The following NCOA1 variants were observed in gnomAD, a reference collection of about 807,000 sequenced individuals.
NCOA1 encodes the protein Hin-2 protein.
A neutral mutation model predicts 150.9 loss-of-function variants in NCOA1; 35 were observed. The observed-to-expected ratio is 0.23, with a 90% CI of 0.18 to 0.31. NCOA1 has a LOEUF of 0.31. NCOA1 is among the 10% of genes least tolerant of loss of function. NCOA1 has a pLI of 1.00. For synonymous variants in NCOA1, 590 were observed against 630.0 expected (o/e 0.94, Z 0.95); for missense variants, 1,491 against 1,749.3 (o/e 0.85, Z 2.63).
At chr2:24,598,990 A>C (rs1667996750) in intron 3 of NCOA1, among the ~76,000 whole-genome samples, 1 of 152,234 alleles carries the variant, frequency 6.6e-6, no homozygotes, top group Admixed American at 6.5e-5. Flanking sequence ...GGACCTGGAC[A>C]AAGATTTATA....
intron 3 of NCOA1, among the ~76,000 whole-genome samples, chr2:24,589,630 GGTGTGTGTGTGTGTGT>G (rs148118845): frequency 8.8e-5 from 13 of 147,550 alleles, no homozygotes; most frequent in South Asian, 2.2e-4. Context: ...AGAGGTTGGT[GGTGTGTGTGTGTGTGT>G]GTGTGTGTGT....
intron 4 of NCOA1, among the ~76,000 whole-genome samples, chr2:24,649,017 C>T (rs997393307): frequency 6.6e-6 from 1 of 151,930 alleles, no homozygotes; most frequent in African/African-American, 2.4e-5. Context: ...TGTTTTTCTG[C>T]CCACTATTAT....
chr2:24,531,407 A>G (rs886670628), intron 1 of NCOA1, among the ~76,000 whole-genome samples: 1 of 152,142 alleles, frequency 6.6e-6, no homozygotes, highest in Non-Finnish European at 1.5e-5. Context: ...AAAAGAAAAA[A>G]AATAATCTAT....
chr2:24,616,918 C>T (rs1303658105), intron 3 of NCOA1, among the ~76,000 whole-genome samples: 1 of 152,114 alleles, frequency 6.6e-6, no homozygotes, highest in Non-Finnish European at 1.5e-5. Flanking sequence ...GAAAGCGATA[C>T]TTTGGAAAGT....
chr2:24,707,850 C>T lies in NCOA1; in HGVS notation c.2380C>T (p.Pro794Ser). 6.2e-7 allele frequency: 1 copy of T among 1,609,054 alleles called. No individual in the cohort carries two copies. Among genetic ancestry groups the T allele is most frequent in the South Asian group, 1.1e-5 (1 of 89,602 alleles). The change falls in exon 13 of 23, where the codon CCC becomes TCC. Residue 794 changes from proline (P) to serine (S), a missense_variant. By Grantham distance (74) the Pro-to-Ser change is moderately conservative. This residue lies in a region of NCOA1 where 703 missense variants were observed against 717.7 expected (regional missense o/e 0.98). Transcript: ENST00000348332. ...CNTNPTPMTK[P>S]TPEEIKLEAQ... Reference sequence around the variant, plus strand: ...TACAAACCCAACCCCAATGACCAAACCCACTCCTGAGGAAATAAAACTGGA... The same window carrying T: ...TACAAACCCAACCCCAATGACCAAATCCACTCCTGAGGAAATAAAACTGGA...
chr2:24,558,180 ATTATT>A (rs1197240558), intron 1 of NCOA1, among the ~76,000 whole-genome samples: 1 of 151,480 alleles, frequency 6.6e-6, no homozygotes, highest in Non-Finnish European at 1.5e-5. Context: ...TTCATTCTGG[ATTATT>A]TTTATTGACC....
intron 1 of NCOA1, among the ~76,000 whole-genome samples, chr2:24,537,864 T>TA (rs1036399418): frequency 5.6e-4 from 85 of 152,212 alleles, no homozygotes; most frequent in African/African-American, 1.9e-3. Context: ...TAAAACTTGT[T>TA]AAAAAAAGAA....
At chr2:24,751,844 T>G in intron 19 of NCOA1, 138 bp from the exon 20 acceptor site, 2 of 832,614 alleles carry the variant, frequency 2.4e-6, no homozygotes, top group Non-Finnish European at 3.6e-6. Flanking sequence ...TATTTGTAAA[T>G]ATATTGCCTG....
chr2:24,731,270 C>T (rs1376414978), intron 17 of NCOA1, among the ~76,000 whole-genome samples: 1 of 152,152 alleles, frequency 6.6e-6, no homozygotes, highest in Non-Finnish European at 1.5e-5. Context: ...GTTCTAGTTT[C>T]AAGTCCCAGT....
chr2:24,569,905 A>G (rs1249200300), intron 2 of NCOA1, among the ~76,000 whole-genome samples: 3 of 151,584 alleles, frequency 2.0e-5, no homozygotes, highest in African/African-American at 7.3e-5. Flanking sequence ...TTTGTATTAT[A>G]CATGTCTAAA....
chr2:24,611,931 A>G (rs1572489345), intron 3 of NCOA1, among the ~76,000 whole-genome samples: 1 of 151,758 alleles, frequency 6.6e-6, no homozygotes, highest in Non-Finnish European at 1.5e-5. Flanking sequence ...GTTAATATTG[A>G]TATGTGAGGT....
rs55664719 is a variant in NCOA1, at chr2:24,720,690, G to C, written c.2600-5899G>C. ...AAGTTGGGTGTGAAAAAGGAAAAAA[G>C]AATTAAGGATTGCAGAAGGAAAAAG... On this transcript the variant is annotated intron_variant, in intron 14 of 22. Coordinates refer to ENST00000348332, the MANE Select transcript of NCOA1 (RefSeq NM_003743.5). 6.3e-3 allele frequency among the ~76,000 whole-genome samples: 959 copies of C among 152,016 alleles called. 16 individuals are homozygous for C. Among genetic ancestry groups the C allele is most frequent in the African/African-American group, 0.022 (898 of 41,452 alleles).
At chr2:24,508,369 TCTATATATGTTG>T (rs1663792089) in intron 1 of NCOA1, among the ~76,000 whole-genome samples, 1 of 152,014 alleles carries the variant, frequency 6.6e-6, no homozygotes. Context: ...CAGAGTAAAG[TCTATATATGTTG>T]TTGTTGCCTT....
chr2:24,531,088 A>G (rs1026450695), intron 1 of NCOA1, among the ~76,000 whole-genome samples: 2 of 152,188 alleles, frequency 1.3e-5, no homozygotes, highest in African/African-American at 2.4e-5. Flanking sequence ...GCAAGAGATA[A>G]TAAGTGTTGG....
intron 11 of NCOA1, among the ~76,000 whole-genome samples, chr2:24,702,229 T>G (rs896371733): frequency 6.6e-6 from 1 of 152,354 alleles, no homozygotes; most frequent in South Asian, 2.1e-4. Context: ...TTTACTGTCC[T>G]CTTAGTGATT....
chr2:24,613,014 CT>C (rs1452425100), intron 3 of NCOA1, among the ~76,000 whole-genome samples: 3 of 152,002 alleles, frequency 2.0e-5, no homozygotes, highest in Non-Finnish European at 4.4e-5. Context: ...GACACTGGCA[CT>C]TTTGATTTTT....
At chr2:24,731,522 ATTCT>A (rs1553313866) in intron 17 of NCOA1, among the ~76,000 whole-genome samples, 4 of 152,194 alleles carry the variant, frequency 2.6e-5, no homozygotes, top group Non-Finnish European at 1.5e-5. Context: ...ATGTGCTTCC[ATTCT>A]GTTTAAAAAA....
chr2:24,503,646 C>T (rs1663560455), intron 1 of NCOA1, among the ~76,000 whole-genome samples: 1 of 151,418 alleles, frequency 6.6e-6, no homozygotes, highest in African/African-American at 2.4e-5. Context: ...GAGTGTATGG[C>T]TTAGTTTTTA....
intron 22 of NCOA1, 187 bp from the exon 23 acceptor site, chr2:24,768,034 T>G (rs774297596): frequency 1.2e-6 from 2 of 1,603,620 alleles, no homozygotes; most frequent in Non-Finnish European, 1.7e-6. Context: ...GTGTGAACTT[T>G]CCAGAACCCT....
Sources: gnomAD v4.1 joint callset for allele counts (sites outside exome capture counted in the v4.1 genomes callset) on GRCh38, gnomAD v4.1.1 for gene constraint, gnomAD v4.1.1 regional missense constraint, MANE v1.5 for transcripts, NCBI Gene and HGNC (gene_info 2026-07-23, HGNC 2026-07-21) for gene names.